Variants in BCO1 observed in about 807,000 individuals in gnomAD.
The protein encoded by BCO1 is beta,beta-carotene 15,15'-dioxygenase.
In BCO1, 54 loss-of-function variants were observed where a neutral mutation model predicts 56.3. The ratio of observed to expected loss-of-function variants is 0.96; its 90% CI spans 0.77 to 1.20. BCO1 has a LOEUF of 1.20. Among genes scored for constraint, BCO1 ranks in the 50% most tolerant of loss-of-function variants. The pLI is 0.00. For synonymous variants in BCO1, 318 were observed against 266.1 expected, an observed-to-expected ratio of 1.20 and a Z score of -1.90; for missense variants, 801 against 690.9, an observed-to-expected ratio of 1.16 and a Z score of -1.79.
At position 81,248,160 on chromosome 16, in the gene BCO1, G is replaced by A. The variant is rs1905537701; in HGVS notation, c.193+2557G>A. Among the ~76,000 whole-genome samples, 3 of 152,066 alleles carry A rather than the reference G, an allele frequency of 2.0e-5. No homozygotes were observed. In the South Asian group the frequency reaches 6.2e-4, roughly 32 times the overall value. On this transcript the variant is annotated intron_variant, in intron 2 of 10. Transcript: ENST00000258168. ...CTCACACCTGTATTCCCAGCACTTTGGGAGGCCGAGGCGGGTGGATCACCT... is the reference window on the plus strand; with the variant it reads ...CTCACACCTGTATTCCCAGCACTTTAGGAGGCCGAGGCGGGTGGATCACCT...
chr16:81,251,872 A>G (rs1280343089), intron 2 of BCO1, among the ~76,000 whole-genome samples: 2 of 117,280 alleles, frequency 1.7e-5, no homozygotes, highest in Admixed American at 8.4e-5. Flanking sequence ...ACACACACAT[A>G]TATGTGTGTG....
intron 8 of BCO1, among the ~76,000 whole-genome samples, chr16:81,284,993 T>C (rs897580085): frequency 6.6e-6 from 1 of 151,826 alleles, no homozygotes; most frequent in Non-Finnish European, 1.5e-5. Flanking sequence ...TGCGGCACCA[T>C]GCCTGGCTAA....
intron 10 of BCO1, among the ~76,000 whole-genome samples, chr16:81,287,627 C>T (rs1201165895): frequency 6.6e-6 from 1 of 152,126 alleles, no homozygotes; most frequent in East Asian, 1.9e-4. Context: ...CCCAAGATAG[C>T]CTTCAGCTTC....
intron 7 of BCO1, among the ~76,000 whole-genome samples, chr16:81,275,619 A>G (rs938547670): frequency 1.3e-5 from 2 of 152,236 alleles, no homozygotes; most frequent in East Asian, 3.8e-4. Context: ...GTGCTCTTAA[A>G]TATTTGAAAT....
At chr16:81,281,105 A>T in intron 8 of BCO1, 143 bp downstream of exon 8, 1 of 683,188 alleles carries the variant, frequency 1.5e-6, no homozygotes, top group Non-Finnish European at 2.6e-6. Context: ...GGTGAAAAGC[A>T]TCTGGGGACA....
At chr16:81,274,678 C>T (rs1907446185) in intron 7 of BCO1, among the ~76,000 whole-genome samples, 1 of 152,292 alleles carries the variant, frequency 6.6e-6, no homozygotes, top group East Asian at 1.9e-4. Flanking sequence ...AGGAGTTCAA[C>T]ACCAGCCTGG....
At chr16:81,239,055 C>T (rs1218834996) in intron 1 of BCO1, 83 bp downstream of exon 1, 33 of 1,273,256 alleles carry the variant, frequency 2.6e-5, no homozygotes, top group South Asian at 4.2e-5. Flanking sequence ...CTCGCTCTGT[C>T]GCCCGGGCTG....
chr16:81,249,016 A>G (rs1463936307), intron 2 of BCO1, among the ~76,000 whole-genome samples: 1 of 151,966 alleles, frequency 6.6e-6, no homozygotes, highest in Non-Finnish European at 1.5e-5. Flanking sequence ...CGTCTCAAGA[A>G]AAAAAGCACC....
intron 1 of BCO1, among the ~76,000 whole-genome samples, chr16:81,243,221 TGA>T (rs1186135294): frequency 6.6e-6 from 1 of 152,200 alleles, no homozygotes; most frequent in Non-Finnish European, 1.5e-5. Context: ...TTTAAAATGA[TGA>T]GTTTTATCTC....
At chr16:81,254,962 T>C (rs10083763) in intron 2 of BCO1, among the ~76,000 whole-genome samples, 91 of 152,208 alleles carry the variant, frequency 6.0e-4, no homozygotes, top group African/African-American at 2.1e-3. Flanking sequence ...TTTTGTATTA[T>C]TTGTAGAGAT....
chr16:81,251,193 G>A (rs1905775696), intron 2 of BCO1, among the ~76,000 whole-genome samples: 1 of 152,122 alleles, frequency 6.6e-6, no homozygotes, highest in Non-Finnish European at 1.5e-5. Flanking sequence ...AGACTTTGGA[G>A]CAAGAAACAA....
intron 7 of BCO1, among the ~76,000 whole-genome samples, chr16:81,278,270 G>A (rs1907673786): frequency 1.3e-5 from 2 of 152,102 alleles, no homozygotes; most frequent in Admixed American, 1.3e-4. Flanking sequence ...TCGAACTCCT[G>A]ACCTCAGATG....
Position 81,287,368 on chromosome 16 carries a change from T to C in BCO1, c.1376T>C (p.Leu459Pro), listed in dbSNP as rs777855496. ...GACGACTGCTGGCCAGCGGAACCCC[T>C]GTTTGTGCCCGCGCCAGGTGCCAAG... ...REDDCWPAEPLFVPAPGAKDE... is the reference protein window; with the variant it reads ...REDDCWPAEPPFVPAPGAKDE... The change falls in exon 10 of 11, where the codon CTG (leucine) becomes CCG (proline). Residue 459 changes from leucine (L) to proline (P), a missense_variant. By Grantham distance (98) the Leu-to-Pro change is moderately conservative. Coordinates refer to ENST00000258168, the MANE Select transcript of BCO1 (RefSeq NM_017429.3). The C allele has an allele frequency of 6.2e-6, 10 of 1,613,760 alleles. No homozygotes were observed. The highest frequency in any genetic ancestry group is 1.3e-5 in the African/African-American group (1 of 75,018).
At chr16:81,275,333 T>C (rs946245866) in intron 7 of BCO1, among the ~76,000 whole-genome samples, 9 of 152,202 alleles carry the variant, frequency 5.9e-5, no homozygotes, top group South Asian at 4.1e-4. Context: ...GTCCGGGCCT[T>C]GGCTTCCGCC....
At chr16:81,275,531 C>A (rs1273670119) in intron 7 of BCO1, among the ~76,000 whole-genome samples, 2 of 152,226 alleles carry the variant, frequency 1.3e-5, no homozygotes, top group Non-Finnish European at 2.9e-5. Context: ...TTGTTCATTT[C>A]CCTCTTCCTG....
At position 81,245,519 on chromosome 16, in the gene BCO1, C is replaced by A. The variant is rs1905352122; in HGVS notation, c.109C>A (p.Pro37Thr). The A allele has an allele frequency of 6.2e-7, 1 of 1,613,640 alleles. No individual in the cohort carries two copies. The highest frequency in any genetic ancestry group is 1.3e-5 in the African/African-American group (1 of 74,914). ...WLQGTLLRNG[P>T]GMHTVGESRY... ...GCAGGGAACCCTGCTCCGCAATGGGCCTGGGATGCACACAGTTGGGGAGTC... is the reference window on the plus strand; with the variant it reads ...GCAGGGAACCCTGCTCCGCAATGGGACTGGGATGCACACAGTTGGGGAGTC... Residue 37 changes from proline to threonine, a missense_variant, in exon 2 of 11, where the codon CCT becomes ACT. Pro to Thr is a conservative substitution (Grantham distance 38). Coordinates refer to ENST00000258168, the MANE Select transcript of BCO1 (RefSeq NM_017429.3).
intron 2 of BCO1, among the ~76,000 whole-genome samples, chr16:81,259,430 G>T (rs1394830097): frequency 6.6e-6 from 1 of 152,086 alleles, no homozygotes; most frequent in African/African-American, 2.4e-5. Flanking sequence ...GGAGGCGGAG[G>T]TTGCAGTGAG....
chr16:81,268,021 T>C lies in BCO1; in HGVS notation c.733T>C (p.Tyr245His), dbSNP rs753728650. 2 of 1,613,776 alleles carry C rather than the reference T, an allele frequency of 1.2e-6. No homozygotes were observed. Among genetic ancestry groups the C allele is most frequent in the East Asian group, 2.2e-5 (1 of 44,890 alleles). Reference protein sequence around the residue: ...YYHSFGVTENYVIFLEQPFRL... With the variant: ...YYHSFGVTENHVIFLEQPFRL... ...CCACAGCTTTGGAGTCACCGAGAAC[T>C]ATGTCATCTTCCTTGAGCAGCCTTT... Residue 245 changes from tyrosine to histidine, a missense_variant, in exon 6 of 11, where the codon TAT becomes CAT. Coordinates refer to ENST00000258168, the MANE Select transcript of BCO1 (RefSeq NM_017429.3).
At chr16:81,289,038 G>A (rs947955770) in intron 10 of BCO1, among the ~76,000 whole-genome samples, 12 of 152,214 alleles carry the variant, frequency 7.9e-5, no homozygotes, top group African/African-American at 2.9e-4. Flanking sequence ...TCTGTGAGGA[G>A]GGAGTATCGT....
Sources: gnomAD v4.1 joint callset for allele counts (sites outside exome capture counted in the v4.1 genomes callset) on GRCh38, gnomAD v4.1.1 for gene constraint, MANE v1.5 for transcripts, NCBI Gene and HGNC (gene_info 2026-07-23, HGNC 2026-07-21) for gene names.